IL1RAPL2: variants seen among roughly 807,000 people sequenced by gnomAD.
IL1RAPL2 encodes the protein X-linked interleukin-1 receptor accessory protein-like 2.
IL1RAPL2 carries 3 observed loss-of-function variants against 44.1 expected under a neutral mutation model. The ratio of observed to expected loss-of-function variants is 0.07; its 90% CI spans 0.03 to 0.18. The LOEUF is 0.18. Ranked by LOEUF, IL1RAPL2 falls within the 10% of genes least tolerant of loss-of-function variation. IL1RAPL2 has a pLI of 1.00. For missense variants in IL1RAPL2, 391 were observed against 496.4 expected (o/e 0.79, Z 2.02); for synonymous variants, 181 against 178.8 (o/e 1.01, Z -0.10).
intron 2 of IL1RAPL2, among the ~76,000 whole-genome samples, chrX:104,972,522 T>C (rs1265148475): frequency 9.0e-6 from 1 of 111,538 alleles, no homozygotes; most frequent in Non-Finnish European, 1.9e-5. Context: ...CTGTGAGAGT[T>C]TATGAATAGG....
chrX:105,404,142 A>G (rs2035625486), intron 5 of IL1RAPL2, among the ~76,000 whole-genome samples: 1 of 111,675 alleles, frequency 9.0e-6, no homozygotes, highest in Non-Finnish European at 1.9e-5. Flanking sequence ...TAGAAGATAA[A>G]TAGAGCAGGG....
At chrX:105,430,687 A>C (rs953389292) in intron 5 of IL1RAPL2, among the ~76,000 whole-genome samples, 12 of 111,287 alleles carry the variant, frequency 1.1e-4, no homozygotes, top group Admixed American at 8.7e-4. Flanking sequence ...TTCTATATTC[A>C]TCATGTCTAT....
At chrX:105,647,166 G>A (rs1029870288) in intron 6 of IL1RAPL2, among the ~76,000 whole-genome samples, 1 of 112,171 alleles carries the variant, frequency 8.9e-6, no homozygotes, top group Non-Finnish European at 1.9e-5. Context: ...TGAGTGCCTC[G>A]CTGGATCAGA....
intron 6 of IL1RAPL2, among the ~76,000 whole-genome samples, chrX:105,624,778 A>G (rs766369748): frequency 1.3e-4 from 15 of 111,667 alleles, no homozygotes; most frequent in Non-Finnish European, 2.3e-4. Flanking sequence ...TAACTCTGCT[A>G]CTAATTATCT....
chrX:105,231,319 A>G (rs1351772422), intron 3 of IL1RAPL2, among the ~76,000 whole-genome samples: 1 of 112,062 alleles, frequency 8.9e-6, no homozygotes, highest in Non-Finnish European at 1.9e-5. Context: ...AACTTGGCTA[A>G]TCTTCCTCCT....
At chrX:105,316,467 C>G (rs2034842496) in intron 5 of IL1RAPL2, among the ~76,000 whole-genome samples, 1 of 110,661 alleles carries the variant, frequency 9.0e-6, no homozygotes, top group Non-Finnish European at 1.9e-5. Flanking sequence ...AAAGACATTG[C>G]AAAAACAGTT....
At chrX:105,467,807 G>A (rs1296204155) in intron 5 of IL1RAPL2, among the ~76,000 whole-genome samples, 1 of 111,659 alleles carries the variant, frequency 9.0e-6, no homozygotes, top group Non-Finnish European at 1.9e-5. Flanking sequence ...AGGGGGCATT[G>A]TAATAGGGAA....
chrX:105,504,703 G>T (rs1159579288), intron 6 of IL1RAPL2, among the ~76,000 whole-genome samples: 1 of 111,308 alleles, frequency 9.0e-6, no homozygotes, highest in Non-Finnish European at 1.9e-5. Context: ...AAGTAGTTTG[G>T]GAAGTAGAGC....
intron 2 of IL1RAPL2, among the ~76,000 whole-genome samples, chrX:104,980,855 A>T (rs2030423076): frequency 9.0e-6 from 1 of 110,789 alleles, no homozygotes; most frequent in South Asian, 3.7e-4. Context: ...TGAAAATGTC[A>T]TTGGTAGTTT....
rs1442361788 is a variant in IL1RAPL2 at position 105,188,620 on chromosome X, T to C, written c.83-6855T>C. ...GTGTAATAACTAGGTTGCAATGAGATGAAGGACTTCATTTAGGCAGATCTT... is the reference window on the plus strand; with the variant it reads ...GTGTAATAACTAGGTTGCAATGAGACGAAGGACTTCATTTAGGCAGATCTT... On this transcript the variant is annotated intron_variant, in intron 2 of 10. Coordinates refer to ENST00000372582, the MANE Select transcript of IL1RAPL2 (RefSeq NM_017416.2). Among the ~76,000 whole-genome samples the C allele has an allele frequency of 7.1e-5, 8 of 111,937 alleles. No individual in the cohort carries two copies. The East Asian group carries it at 1.7e-3, about 24-fold the overall frequency.
chrX:104,674,535 C>G (rs1197195341), intron 2 of IL1RAPL2, among the ~76,000 whole-genome samples: 8 of 111,883 alleles, frequency 7.2e-5, no homozygotes, highest in African/African-American at 2.6e-4. Context: ...CAATATTCAT[C>G]AAGGATATTG....
intron 2 of IL1RAPL2, among the ~76,000 whole-genome samples, chrX:104,784,712 C>T (rs1932789829): frequency 9.3e-6 from 1 of 107,472 alleles, no homozygotes; most frequent in South Asian, 4.3e-4. Flanking sequence ...GGTATTAAGT[C>T]TTTTTCTTTA....
chrX:105,129,971 CTAA>C (rs1289093303), intron 2 of IL1RAPL2, among the ~76,000 whole-genome samples: 1 of 111,017 alleles, frequency 9.0e-6, no homozygotes, highest in African/African-American at 3.3e-5. Flanking sequence ...GCTGCTGGTG[CTAA>C]TAATGATGAT....
intron 5 of IL1RAPL2, among the ~76,000 whole-genome samples, chrX:105,297,246 A>G: frequency 8.9e-6 from 1 of 111,823 alleles, no homozygotes; most frequent in East Asian, 2.8e-4. Context: ...TGAGTCATAG[A>G]CAGCAAGAGG....
intron 2 of IL1RAPL2, among the ~76,000 whole-genome samples, chrX:104,813,495 G>A (rs1248023545): frequency 1.8e-5 from 2 of 110,683 alleles, no homozygotes; most frequent in African/African-American, 6.6e-5. Flanking sequence ...TCATATTCTC[G>A]GGCTTGTGTT....
At chrX:104,993,574 C>G (rs1301650063) in intron 2 of IL1RAPL2, among the ~76,000 whole-genome samples, 1 of 111,072 alleles carries the variant, frequency 9.0e-6, no homozygotes, top group Non-Finnish European at 1.9e-5. Flanking sequence ...ATGTGGTTGC[C>G]TTTCATCTTG....
At chrX:105,683,560 C>G (rs939510792) in intron 6 of IL1RAPL2, among the ~76,000 whole-genome samples, 1 of 109,757 alleles carries the variant, frequency 9.1e-6, no homozygotes, top group Admixed American at 9.7e-5. Context: ...AAAAAAAAAG[C>G]TCTATGTGGT....
chrX:104,648,914 T>G (rs1200098668), intron 1 of IL1RAPL2, among the ~76,000 whole-genome samples: 1 of 111,470 alleles, frequency 9.0e-6, no homozygotes, highest in Non-Finnish European at 1.9e-5. Context: ...CTTATGCCAG[T>G]TTTTTTCTTT....
At chrX:104,977,826 A>G (rs919083542) in intron 2 of IL1RAPL2, among the ~76,000 whole-genome samples, 5 of 112,290 alleles carry the variant, frequency 4.5e-5, no homozygotes, top group Non-Finnish European at 9.4e-5. Context: ...CTGCAGTTAT[A>G]TCTATATCCA....
Sources: allele counts gnomAD v4.1 joint callset (sites outside exome capture counted in the v4.1 genomes callset), GRCh38; gene constraint gnomAD v4.1.1; transcripts MANE v1.5; gene names NCBI Gene and HGNC (gene_info 2026-07-23, HGNC 2026-07-21).